Variants in TEX11 observed in about 807,000 individuals in gnomAD.
The protein encoded by TEX11 is testis expressed 11, also known as testis-expressed protein 11.
A neutral mutation model predicts 84.4 loss-of-function variants in TEX11; 7 were observed. The ratio of observed to expected loss-of-function variants is 0.08; its 90% CI spans 0.05 to 0.16. The LOEUF is 0.16. TEX11 is among the 10% of genes least tolerant of loss of function. The probability of loss-of-function intolerance (pLI) is 1.00; values close to 1 mark genes in which losing one functional copy is unlikely to be tolerated. For missense variants in TEX11, 551 were observed against 660.5 expected (o/e 0.83, Z 1.82); for synonymous variants, 264 against 222.8 (o/e 1.18, Z -1.64).
chrX:70,801,407 C>T (rs138564084), intron 9 of TEX11, among the ~76,000 whole-genome samples: 284 of 111,335 alleles, frequency 2.6e-3, no homozygotes, highest in African/African-American at 7.2e-3. Flanking sequence ...TATAATTCTA[C>T]CTGACTGGAA....
At chrX:70,830,589 T>C (rs910533777) in intron 8 of TEX11, among the ~76,000 whole-genome samples, 1 of 111,756 alleles carries the variant, frequency 8.9e-6, no homozygotes, top group Admixed American at 9.6e-5. Flanking sequence ...CTCCAAAATA[T>C]ACAAGGAACT....
chrX:70,669,032 A>G (rs1292713838), intron 16 of TEX11, among the ~76,000 whole-genome samples: 1 of 111,977 alleles, frequency 8.9e-6, no homozygotes, highest in Non-Finnish European at 1.9e-5. Flanking sequence ...CTTACGGACT[A>G]TTTCCAACAT....
intron 2 of TEX11, among the ~76,000 whole-genome samples, chrX:70,903,286 T>C (rs1022890657): frequency 1.8e-5 from 2 of 111,562 alleles, no homozygotes; most frequent in Non-Finnish European, 3.8e-5. Flanking sequence ...TCATTTATTA[T>C]CACCATCAAG....
intron 5 of TEX11, among the ~76,000 whole-genome samples, chrX:70,859,029 C>T (rs139379683): frequency 0.02 from 2,223 of 109,706 alleles, 41 homozygotes; most frequent in African/African-American, 0.07. Context: ...CAGAGCGAGA[C>T]TCTATCTCAA....
At chrX:70,819,999 A>G (rs1293999178) in intron 8 of TEX11, among the ~76,000 whole-genome samples, 3 of 112,010 alleles carry the variant, frequency 2.7e-5, no homozygotes, top group Non-Finnish European at 5.6e-5. Context: ...ACTACCTAAA[A>G]TGATCTACAG....
chrX:70,694,853 G>T (rs1482065317), intron 13 of TEX11, among the ~76,000 whole-genome samples: 3 of 111,216 alleles, frequency 2.7e-5, no homozygotes, highest in African/African-American at 9.8e-5. Context: ...GAGCAAAGAG[G>T]CAAAACCCAA....
chrX:70,859,172 T>C (rs1294319781), intron 5 of TEX11, among the ~76,000 whole-genome samples: 2 of 111,254 alleles, frequency 1.8e-5, no homozygotes, highest in African/African-American at 6.5e-5. Flanking sequence ...GGAATCATTG[T>C]ACTGTCTTAC....
chrX:70,778,781 T>C (rs1253980790), intron 9 of TEX11, among the ~76,000 whole-genome samples: 1 of 111,583 alleles, frequency 9.0e-6, no homozygotes, highest in African/African-American at 3.3e-5. Context: ...ACTAAAATCA[T>C]ATCAAGTATC....
At chrX:70,873,136 G>T in intron 4 of TEX11, 87 bp downstream of exon 4, 1 of 580,528 alleles carries the variant, frequency 1.7e-6, no homozygotes. Context: ...CTAAGAATGG[G>T]TCAAAACATT....
At chrX:70,554,881 G>C (rs2088265892) in intron 25 of TEX11, 81 bp from the exon 26 acceptor site, 1 of 913,764 alleles carries the variant, frequency 1.1e-6, no homozygotes, top group Non-Finnish European at 1.5e-6. Flanking sequence ...TAACTGGAGA[G>C]GTTTTCCTTC....
Position 70,782,645 on chromosome X carries a change from C to CAAAAAAAAA in TEX11, c.692+24051_692+24059dup, listed in dbSNP as rs780011355. Among the ~76,000 whole-genome samples the CAAAAAAAAA allele has an allele frequency of 9.7e-4, 28 of 28,900 alleles. 5 individuals carry two copies. Among genetic ancestry groups the CAAAAAAAAA allele is most frequent in the Admixed American group, 2.7e-3 (4 of 1,477 alleles). 25.1% of individuals were successfully genotyped at this position (28,900 alleles called of 115,157 possible). A position where few individuals can be genotyped will look rare whatever the true frequency, so the allele number is the denominator to read the frequency against. ...GAAGATCTACCAAGCAAATGGAAAG[C>CAAAAAAAAA]AAAAAAAAAAAAAAAAAAAAACAGG... On this transcript the variant is annotated intron_variant, in intron 9 of 29. Coordinates refer to ENST00000374333, the MANE Select transcript of TEX11 (RefSeq NM_031276.3).
At chrX:70,784,571 T>C (rs1463986310) in intron 9 of TEX11, among the ~76,000 whole-genome samples, 2 of 111,383 alleles carry the variant, frequency 1.8e-5, no homozygotes, top group Non-Finnish European at 3.8e-5. Flanking sequence ...GATTGTATAT[T>C]TAGAAAACCC....
intron 20 of TEX11, 117 bp from the exon 21 acceptor site, chrX:70,610,660 G>A: frequency 1.4e-6 from 1 of 703,452 alleles, no homozygotes; most frequent in Non-Finnish European, 2.1e-6. Context: ...AAATTGTGAA[G>A]TTTTTTGCTC....
chrX:70,569,352 T>C (rs2088550605), intron 25 of TEX11, among the ~76,000 whole-genome samples: 1 of 111,893 alleles, frequency 8.9e-6, no homozygotes, highest in Non-Finnish European at 1.9e-5. Context: ...TTGGTTTGAA[T>C]TTCCTCCTGT....
intron 25 of TEX11, among the ~76,000 whole-genome samples, chrX:70,563,006 G>T (rs1384320172): frequency 8.9e-6 from 1 of 111,958 alleles, no homozygotes; most frequent in Admixed American, 9.5e-5. Context: ...TGTACAGTTT[G>T]TTTATCTATT....
intron 9 of TEX11, among the ~76,000 whole-genome samples, chrX:70,760,834 G>A (rs765366999): frequency 1.2e-3 from 133 of 111,612 alleles, no homozygotes; most frequent in Admixed American, 3.8e-3. Context: ...CCTACAGAAT[G>A]GGAGAAAATT....
At chrX:70,583,339 T>C (rs1316083401) in intron 25 of TEX11, among the ~76,000 whole-genome samples, 2 of 111,948 alleles carry the variant, frequency 1.8e-5, no homozygotes, top group Admixed American at 1.9e-4. Context: ...CTCCCACTTA[T>C]GAGTGAGAAC....
intron 4 of TEX11, 75 bp downstream of exon 4, chrX:70,873,148 T>C: frequency 3.2e-6 from 2 of 623,279 alleles, no homozygotes; most frequent in East Asian, 3.4e-5. Flanking sequence ...CAAAACATTA[T>C]TTAAACTGCA....
intron 25 of TEX11, among the ~76,000 whole-genome samples, chrX:70,569,140 CT>C (rs1411843713): frequency 9.0e-6 from 1 of 111,631 alleles, no homozygotes; most frequent in Non-Finnish European, 1.9e-5. Context: ...TCCCTTCTTG[CT>C]TCATTTCATT....
Sources: gnomAD v4.1 joint callset for allele counts (sites outside exome capture counted in the v4.1 genomes callset) on GRCh38, gnomAD v4.1.1 for gene constraint, MANE v1.5 for transcripts, NCBI Gene and HGNC (gene_info 2026-07-23, HGNC 2026-07-21) for gene names.